Variants in BTBD8 observed in about 807,000 individuals in gnomAD.
The protein encoded by BTBD8 is BTB domain containing 8.
In BTBD8, 110 loss-of-function variants were observed where a neutral mutation model predicts 162.9. The ratio of observed to expected loss-of-function variants is 0.68; its 90% CI spans 0.58 to 0.79. The LOEUF is 0.79. Among genes scored for constraint, BTBD8 ranks in the 30% least tolerant of loss-of-function variants. BTBD8 has a pLI of 0.00. For synonymous variants in BTBD8, 667 were observed against 716.1 expected (o/e 0.93, Z 1.10); for missense variants, 1,905 against 2,085.4 (o/e 0.91, Z 1.68).
intron 5 of BTBD8, among the ~76,000 whole-genome samples, chr1:92,134,317 A>T (rs1379563953): frequency 6.6e-6 from 1 of 152,184 alleles, no homozygotes; most frequent in Non-Finnish European, 1.5e-5. Context: ...GTGTCTTCTC[A>T]TTATAATTAT....
chr1:92,170,422 A>T (rs1046003429), intron 12 of BTBD8, among the ~76,000 whole-genome samples: 1 of 152,104 alleles, frequency 6.6e-6, no homozygotes, highest in African/African-American at 2.4e-5. Context: ...TAGTTGAGTT[A>T]CTGACCTTTG....
intron 4 of BTBD8, among the ~76,000 whole-genome samples, chr1:92,116,246 C>T (rs967547180): frequency 3.3e-5 from 5 of 151,998 alleles, no homozygotes; most frequent in South Asian, 4.1e-4. Context: ...TGAGACTTTT[C>T]GATGGCCCAG....
rs1368966933 is a variant in BTBD8 at position 92,177,384 on chromosome 1, G to T, written c.2191G>T (p.Asp731Tyr). ...SIAGPSSRST[D>Y]SSMEFSISTE... ...CGCAGGACCCTCCAGCAGATCCACAGATTCAAGTATGGAATTCTCAATTTC... is the reference window on the plus strand; with the variant it reads ...CGCAGGACCCTCCAGCAGATCCACATATTCAAGTATGGAATTCTCAATTTC... The change falls in exon 14 of 18, where the codon GAT becomes TAT. Residue 731 changes from aspartate to tyrosine, a missense_variant. This residue lies in a region of BTBD8 where 1,374 missense variants were observed against 1,442.7 expected (regional missense o/e 0.95). Coordinates refer to ENST00000636805, the MANE Select transcript of BTBD8 (RefSeq NM_001376131.1). 4 of 1,551,752 alleles carry T rather than the reference G, an allele frequency of 2.6e-6. No homozygotes were observed. The highest frequency in any genetic ancestry group is 3.5e-6 in the Non-Finnish European group (4 of 1,147,016).
intron 5 of BTBD8, among the ~76,000 whole-genome samples, chr1:92,138,858 A>C (rs1245166437): frequency 2.0e-5 from 3 of 152,194 alleles, no homozygotes; most frequent in Admixed American, 6.5e-5. Flanking sequence ...CTACCTCTTA[A>C]GTCATGCCTT....
At chr1:92,107,044 A>G (rs907092877) in intron 3 of BTBD8, among the ~76,000 whole-genome samples, 6 of 151,994 alleles carry the variant, frequency 3.9e-5, no homozygotes, top group African/African-American at 9.7e-5. Flanking sequence ...ATGCCACTGC[A>G]CTCCAGCCTG....
chr1:92,114,515 A>G (rs1319136338), intron 4 of BTBD8, among the ~76,000 whole-genome samples: 2 of 152,252 alleles, frequency 1.3e-5, no homozygotes, highest in Admixed American at 1.3e-4. Context: ...GGCAGCACAC[A>G]TAATTTTTTT....
chr1:92,102,726 AC>A (rs1187006108), intron 3 of BTBD8, 57 bp downstream of exon 3: 2 of 1,320,594 alleles, frequency 1.5e-6, no homozygotes, highest in African/African-American at 1.5e-5. Context: ...ATATTCTGAT[AC>A]AGTTAGAGAA....
At chr1:92,137,697 T>C (rs1470403820) in intron 5 of BTBD8, among the ~76,000 whole-genome samples, 1 of 152,240 alleles carries the variant, frequency 6.6e-6, no homozygotes, top group African/African-American at 2.4e-5. Context: ...TCTGAAATGC[T>C]TGGGATCAGA....
chr1:92,087,308 T>A (rs1245654308), intron 1 of BTBD8, among the ~76,000 whole-genome samples: 5 of 131,124 alleles, frequency 3.8e-5, no homozygotes, highest in Non-Finnish European at 8.0e-5. Flanking sequence ...AGGGGTGGGA[T>A]GGGGGGAAGG....
intron 2 of BTBD8, among the ~76,000 whole-genome samples, chr1:92,091,632 G>A (rs1648306774): frequency 6.6e-6 from 1 of 151,912 alleles, no homozygotes; most frequent in East Asian, 1.9e-4. Context: ...CCTCCCGGTC[G>A]CCATTCTCCT....
intron 4 of BTBD8, among the ~76,000 whole-genome samples, chr1:92,108,807 A>C (rs1347070607): frequency 6.6e-6 from 1 of 152,256 alleles, no homozygotes; most frequent in Non-Finnish European, 1.5e-5. Context: ...TGTGTTTCAA[A>C]TAGAAGGTTG....
intron 3 of BTBD8, among the ~76,000 whole-genome samples, 181 bp from the exon 4 acceptor site, chr1:92,107,703 T>C (rs182850342): frequency 4.0e-4 from 61 of 152,326 alleles, no homozygotes; most frequent in African/African-American, 1.3e-3. Flanking sequence ...AGTGGAAATA[T>C]ATATATTTCA....
chr1:92,184,325 C>T lies in BTBD8; in HGVS notation c.5374C>T (p.His1792Tyr). 6.5e-7 allele frequency: 1 copy of T among 1,537,538 alleles called. No individual in the cohort carries two copies. The highest frequency in any genetic ancestry group is 8.8e-7 in the Non-Finnish European group (1 of 1,140,252). The change falls in exon 18 of 18, where the codon CAT becomes TAT. Residue 1792 changes from histidine to tyrosine, a missense_variant. By Grantham distance (83) the His-to-Tyr change is moderately conservative. Around this residue, in one of 3 missense-constraint regions of BTBD8, gnomAD observed 517 missense variants for 606.6 expected, o/e 0.85. Coordinates refer to ENST00000636805, the MANE Select transcript of BTBD8 (RefSeq NM_001376131.1). The stretch of plus-strand genomic sequence containing the variant: ...GACAATTCTGGAACTGGAAACTCAG[C>T]ATTAAGTGTTAACATTTTGGAAAAA... ...EWTILELETQH is the reference protein window; with the variant it reads ...EWTILELETQY
In BTBD8 at chr1:92,102,508, A is replaced by G. The variant is rs757060037; in HGVS notation, c.383A>G (p.Tyr128Cys). The part of the protein sequence containing the change: ...IYSSNRNIKN[Y>C]EEEILRKKIM... ...TCATCAAACAGAAACATAAAAAACTATGAAGAGGAAATTCTTAGGAAAAAG... is the reference window on the plus strand; with the variant it reads ...TCATCAAACAGAAACATAAAAAACTGTGAAGAGGAAATTCTTAGGAAAAAG... Residue 128 changes from tyrosine to cysteine, a missense_variant, in exon 3 of 18, where the codon TAT becomes TGT. Tyr to Cys is a radical substitution (Grantham distance 194). Coordinates refer to ENST00000636805, the MANE Select transcript of BTBD8 (RefSeq NM_001376131.1). 2.6e-6 allele frequency: 4 copies of G among 1,559,274 alleles called. No individual in the cohort carries two copies. The African/African-American group carries it at 4.1e-5, about 16-fold the overall frequency.
chr1:92,118,433 G>C (rs1306534060), intron 4 of BTBD8, among the ~76,000 whole-genome samples: 1 of 151,794 alleles, frequency 6.6e-6, no homozygotes, highest in African/African-American at 2.4e-5. Context: ...AAGATAAAGG[G>C]CCATTTTCAT....
At chr1:92,148,237 C>T (rs532223743) in intron 9 of BTBD8, among the ~76,000 whole-genome samples, 10 of 152,312 alleles carry the variant, frequency 6.6e-5, no homozygotes, top group Non-Finnish European at 1.3e-4. Context: ...AAAACATTTG[C>T]TCTGGATAGT....
At chr1:92,129,868 G>C in intron 5 of BTBD8, 92 bp downstream of exon 5, 1 of 1,072,600 alleles carries the variant, frequency 9.3e-7, no homozygotes, top group Non-Finnish European at 1.4e-6. Context: ...TTCCCTGGAT[G>C]TTCAAGGAAA....
At chr1:92,117,601 C>T (rs1649077554) in intron 4 of BTBD8, among the ~76,000 whole-genome samples, 1 of 151,876 alleles carries the variant, frequency 6.6e-6, no homozygotes, top group Non-Finnish European at 1.5e-5. Context: ...GTAGTTTTAC[C>T]TTATGCACAC....
At chr1:92,149,983 G>T (rs2100642043) in intron 9 of BTBD8, among the ~76,000 whole-genome samples, 1 of 152,212 alleles carries the variant, frequency 6.6e-6, no homozygotes, top group East Asian at 1.9e-4. Flanking sequence ...CTGCCCTGTG[G>T]AATTCAAACT....
Sources: allele counts gnomAD v4.1 joint callset (sites outside exome capture counted in the v4.1 genomes callset), GRCh38; gene constraint gnomAD v4.1.1; regional missense constraint gnomAD v4.1.1; transcripts MANE v1.5; gene names NCBI Gene and HGNC (gene_info 2026-07-23, HGNC 2026-07-21).